Variants in EGLN1 observed in about 807,000 individuals in gnomAD.
EGLN1 encodes egl-9 family hypoxia inducible factor 1.
A neutral mutation model predicts 38.3 loss-of-function variants in EGLN1; 17 were observed. The ratio of observed to expected loss-of-function variants is 0.44; its 90% CI spans 0.30 to 0.67. The LOEUF (loss-of-function observed/expected upper bound fraction) is 0.67, where lower values mean the gene tolerates loss of function less well. Ranked by LOEUF, EGLN1 falls within the 30% of genes least tolerant of loss-of-function variation. The pLI is 0.08. For missense variants in EGLN1, 477 were observed against 603.3 expected, an observed-to-expected ratio of 0.79 and a Z score of 2.19; for synonymous variants, 283 against 257.5, an observed-to-expected ratio of 1.10 and a Z score of -0.95.
At chr1:231,377,260 A>C (rs1040754979) in intron 1 of EGLN1, among the ~76,000 whole-genome samples, 1 of 152,208 alleles carries the variant, frequency 6.6e-6, no homozygotes, top group Admixed American at 6.5e-5. Context: ...AGGTTTAGAA[A>C]GGCTAATTAG....
At position 231,391,090 on chromosome 1, in the gene EGLN1, T is replaced by TGTGTGTGTG. The variant is rs1553353081; in HGVS notation, c.892-16992_892-16991insCACACACAC. On this transcript the variant is annotated intron_variant, in intron 1 of 4. Coordinates refer to ENST00000366641, the MANE Select transcript of EGLN1 (RefSeq NM_022051.3). ...AGACAGGGAACTCATTCTGTTTTTT[T>TGTGTGTGTG]TTTGTGTGTGTGTGTGTGTGTGTGT... 2.4e-4 allele frequency among the ~76,000 whole-genome samples: 13 copies of TGTGTGTGTG among 53,126 alleles called. 1 individual carries two copies. Among genetic ancestry groups the TGTGTGTGTG allele is most frequent in the South Asian group, 1.8e-3 (3 of 1,670 alleles). 34.9% of individuals were successfully genotyped at this position (53,126 alleles called of 152,430 possible).
At chr1:231,412,623 A>T (rs2102938295) in intron 1 of EGLN1, among the ~76,000 whole-genome samples, 1 of 152,332 alleles carries the variant, frequency 6.6e-6, no homozygotes, top group Admixed American at 6.5e-5. Flanking sequence ...AGCTGATACA[A>T]GCATACTGCA....
At chr1:231,402,090 C>T (rs1448106430) in intron 1 of EGLN1, among the ~76,000 whole-genome samples, 1 of 152,138 alleles carries the variant, frequency 6.6e-6, no homozygotes, top group Non-Finnish European at 1.5e-5. Context: ...TTTTCATGCA[C>T]TTGGCCATTC....
chr1:231,413,701 G>GAACA (rs1384975789), intron 1 of EGLN1, among the ~76,000 whole-genome samples: 1 of 152,112 alleles, frequency 6.6e-6, no homozygotes, highest in African/African-American at 2.4e-5. Context: ...CTAGCTCCTA[G>GAACA]AACAGGGCCT....
At position 231,373,662 on chromosome 1, in the gene EGLN1, C is replaced by T. The variant is rs2572263; in HGVS notation, c.1011+318G>A. Reference sequence around the variant, plus strand: ...CTCTCAAAGTTCCGTTTCCCTTCCCCTAACCTCGTGTGTGCGTGTGTGTGT... The same window carrying T: ...CTCTCAAAGTTCCGTTTCCCTTCCCTTAACCTCGTGTGTGCGTGTGTGTGT... On this transcript the variant is annotated intron_variant, in intron 2 of 4. Transcript: ENST00000366641. 0.56 allele frequency among the ~76,000 whole-genome samples: 82,490 copies of T among 147,954 alleles called. 24,036 individuals carry two copies. The highest frequency in any genetic ancestry group is 0.65 in the Non-Finnish European group (44,108 of 67,436).
At chr1:231,368,631 C>T (rs1236742621) in intron 3 of EGLN1, among the ~76,000 whole-genome samples, 8 of 152,176 alleles carry the variant, frequency 5.3e-5, no homozygotes, top group East Asian at 1.9e-4. Context: ...ATCACCAGTT[C>T]CTGGGCAGAA....
In EGLN1 at chr1:231,366,287, T is replaced by C; in HGVS notation, c.*124A>G. On this transcript the variant is annotated 3_prime_UTR_variant, in exon 5 of 5. Transcript: ENST00000366641. ...GTTTGATGCAACACAAAAAGTTGTT[T>C]CTGTTTCCTTATTAAAATGCGAACT... 12 of 1,094,222 alleles carry C rather than the reference T, an allele frequency of 1.1e-5. No homozygotes were observed. Among genetic ancestry groups the C allele is most frequent in the Non-Finnish European group, 1.6e-5 (12 of 729,808 alleles). The allele number at this position is 1,094,222 out of a possible 1,614,324, so 67.8% of individuals were successfully genotyped here.
Position 231,421,991 on chromosome 1 carries a change from C to G in EGLN1, c.-103G>C. 4.9e-6 allele frequency: 6 copies of G among 1,214,124 alleles called. No individual in the cohort carries two copies. The highest frequency in any genetic ancestry group is 2.3e-5 in the South Asian group (1 of 42,642). The allele number at this position is 1,214,124 out of a possible 1,614,324, so 75.2% of individuals were successfully genotyped here. On this transcript the variant is annotated 5_prime_UTR_variant, in exon 1 of 5. Transcript: ENST00000366641. This position sits in a 1 kb window ranked among gnomAD's most constrained non-coding sequence, Gnocchi z 5.5. ...GGGGAGCGGGGAGAGAGATAGGGGC[C>G]GTTACTGCGCCATGCACCCGCTACC...
chr1:231,370,010 A>G (rs1326520465), intron 3 of EGLN1, among the ~76,000 whole-genome samples: 1 of 152,216 alleles, frequency 6.6e-6, no homozygotes, highest in Non-Finnish European at 1.5e-5. Flanking sequence ...AAGTATAATG[A>G]AACAGATGCT....
chr1:231,420,575 T>C lies in EGLN1; in HGVS notation c.891+423A>G, dbSNP rs138441040. On this transcript the variant is annotated intron_variant, in intron 1 of 4. Coordinates refer to ENST00000366641, the MANE Select transcript of EGLN1 (RefSeq NM_022051.3). ...AATGTGATGAGTGGTTCAGACACCA[T>C]AGGAAATTTAACAGCTTATGCAAAC... Among the ~76,000 whole-genome samples the C allele has an allele frequency of 4.7e-3, 721 of 152,148 alleles. 6 individuals are homozygous for C. Among genetic ancestry groups the C allele is most frequent in the Non-Finnish European group, 6.1e-3 (416 of 68,012 alleles).
At chr1:231,401,430 C>A (rs1354297491) in intron 1 of EGLN1, among the ~76,000 whole-genome samples, 1 of 152,170 alleles carries the variant, frequency 6.6e-6, no homozygotes, top group African/African-American at 2.4e-5. Flanking sequence ...AAAATGTTCA[C>A]TAGCCCAGCA....
intron 1 of EGLN1, among the ~76,000 whole-genome samples, chr1:231,418,937 G>A (rs554596612): frequency 6.6e-6 from 1 of 151,898 alleles, no homozygotes; most frequent in Non-Finnish European, 1.5e-5. Flanking sequence ...GTGGTTGGTT[G>A]CTCAATATAC....
At chr1:231,373,609 C>A (rs998371968) in intron 2 of EGLN1, among the ~76,000 whole-genome samples, 1 of 152,086 alleles carries the variant, frequency 6.6e-6, no homozygotes, top group Non-Finnish European at 1.5e-5. Flanking sequence ...TGACACACCA[C>A]AACCAAGGTA....
intron 1 of EGLN1, among the ~76,000 whole-genome samples, chr1:231,416,436 A>AAAT (rs1553256876): frequency 6.3e-5 from 9 of 141,900 alleles, no homozygotes; most frequent in African/African-American, 1.1e-4. Flanking sequence ...CAAAAAAAAA[A>AAAT]TTTTTTTTTT....
chr1:231,414,447 G>A (rs923927044), intron 1 of EGLN1, among the ~76,000 whole-genome samples: 2 of 152,126 alleles, frequency 1.3e-5, no homozygotes, highest in African/African-American at 2.4e-5. Context: ...GAAAACAGGA[G>A]TAAACTGTCA....
Position 231,370,688 on chromosome 1 carries a change from C to T in EGLN1, c.1022G>A (p.Gly341Asp). 1 of 1,614,044 alleles carries T rather than the reference C, an allele frequency of 6.2e-7. No homozygotes were observed. Among genetic ancestry groups the T allele is most frequent in the Non-Finnish European group, 8.5e-7 (1 of 1,180,002 alleles). The part of the protein sequence containing the change: ...NKDWDAKVSG[G>D]ILRIFPEGKA... ...GCCTTCTGGAAAAATTCGAAGTATACCTCCACTTACCTAGGAAAAGAGCCA... is the reference window on the plus strand; with the variant it reads ...GCCTTCTGGAAAAATTCGAAGTATATCTCCACTTACCTAGGAAAAGAGCCA... Residue 341 changes from glycine to aspartate, a missense_variant, in exon 3 of 5, where the codon GGT (glycine) becomes GAT (aspartate). Transcript: ENST00000366641.
At chr1:231,394,394 T>TTTA (rs1164551385) in intron 1 of EGLN1, among the ~76,000 whole-genome samples, 9 of 151,706 alleles carry the variant, frequency 5.9e-5, no homozygotes, top group African/African-American at 2.2e-4. Flanking sequence ...TTTTTTTTTT[T>TTTA]TTGAGACGGA....
Position 231,421,586 on chromosome 1 carries a change from G to A in EGLN1, c.303C>T (p.Asp101=). ...CCTTGGCCGCGTCCCCGGAGGCGTT[G>A]TCCCGGCGCGCCGCTGCCTTCCTGG... is the stretch of plus-strand genomic sequence containing the variant. ...REPRKAAARR[D]NASGDAAKGK... Residue 101 remains aspartate (D), a synonymous_variant, in exon 1 of 5, where the codon GAC becomes GAT. Coordinates refer to ENST00000366641, the MANE Select transcript of EGLN1 (RefSeq NM_022051.3). This position sits in a 1 kb window ranked among gnomAD's most constrained non-coding sequence, Gnocchi z 5.5. 1.5e-6 allele frequency: 2 copies of A among 1,318,182 alleles called. No homozygotes were observed. The highest frequency in any genetic ancestry group is 1.9e-6 in the Non-Finnish European group (2 of 1,043,002). The allele number at this position is 1,318,182 out of a possible 1,614,324, so 81.7% of individuals were successfully genotyped here.
chr1:231,410,599 C>G (rs962632963), intron 1 of EGLN1, among the ~76,000 whole-genome samples: 8 of 151,944 alleles, frequency 5.3e-5, no homozygotes, highest in Non-Finnish European at 2.9e-5. Context: ...CTACTACAAA[C>G]TAAGAAGAAA....
Sources: allele counts gnomAD v4.1 joint callset (sites outside exome capture counted in the v4.1 genomes callset), GRCh38; gene constraint gnomAD v4.1.1; non-coding constraint Gnocchi (gnomAD v3.1); transcripts MANE v1.5; gene names NCBI Gene and HGNC (gene_info 2026-07-23, HGNC 2026-07-21).